FBXO11: variants seen among roughly 807,000 people sequenced by gnomAD.
The protein encoded by FBXO11 is F-box only protein 11.
A neutral mutation model predicts 117.0 loss-of-function variants in FBXO11; 13 were observed. The observed-to-expected ratio is 0.11, with a 90% CI of 0.07 to 0.18. FBXO11 has a LOEUF of 0.18. Among genes scored for constraint, FBXO11 ranks in the 10% least tolerant of loss-of-function variants. The probability of loss-of-function intolerance (pLI) is 1.00; values close to 1 mark genes in which losing one functional copy is unlikely to be tolerated. For missense variants in FBXO11, 767 were observed against 1,164.4 expected (o/e 0.66, Z 4.97); for synonymous variants, 490 against 380.5 (o/e 1.29, Z -3.35).
chr2:47,874,000 G>A (rs183373590), intron 1 of FBXO11, among the ~76,000 whole-genome samples: 2 of 152,190 alleles, frequency 1.3e-5, no homozygotes, highest in East Asian at 1.9e-4. Flanking sequence ...GGATCACGGG[G>A]TCAAGCGTTT....
In FBXO11 at chr2:47,807,613, CAA is replaced by C. The variant is rs910183121; in HGVS notation, c.*503_*504del. ...GTAAGATTTTGCTTGAAATTAAAAA[CAA>C]ACTACATGAGATTAAAGCATTAAAA... On this transcript the variant is annotated 3_prime_UTR_variant, in exon 23 of 23. Coordinates refer to ENST00000403359, the MANE Select transcript of FBXO11 (RefSeq NM_001190274.2). The C allele has an allele frequency of 1.7e-4, 37 of 218,392 alleles. No homozygotes were observed. The highest frequency in any genetic ancestry group is 5.0e-4 in the African/African-American group (22 of 44,310). 13.5% of individuals were successfully genotyped at this position (218,392 alleles called of 1,614,324 possible). A position where few individuals can be genotyped will look rare whatever the true frequency, so the allele number is the denominator to read the frequency against.
intron 13 of FBXO11, among the ~76,000 whole-genome samples, chr2:47,821,048 C>G (rs1356158923): frequency 6.6e-6 from 1 of 152,166 alleles, no homozygotes; most frequent in African/African-American, 2.4e-5. Context: ...ACCACAGAAA[C>G]AATTAACTAT....
At chr2:47,856,618 C>T (rs1351476344) in intron 1 of FBXO11, among the ~76,000 whole-genome samples, 1 of 152,174 alleles carries the variant, frequency 6.6e-6, no homozygotes, top group Non-Finnish European at 1.5e-5. Context: ...GAGTGGCCTA[C>T]GGACAGTTGT....
chr2:47,842,216 A>G (rs1478113153), intron 1 of FBXO11, among the ~76,000 whole-genome samples: 1 of 151,252 alleles, frequency 6.6e-6, no homozygotes, highest in Non-Finnish European at 1.5e-5. Context: ...GGGTTTCACA[A>G]TGTTGGCCAG....
At chr2:47,840,552 G>A (rs1019288150) in intron 1 of FBXO11, among the ~76,000 whole-genome samples, 179 of 149,478 alleles carry the variant, frequency 1.2e-3, no homozygotes, top group African/African-American at 4.3e-3. Flanking sequence ...TTGGCCTCAA[G>A]CAATCCTCCT....
intron 1 of FBXO11, among the ~76,000 whole-genome samples, chr2:47,864,466 A>T (rs908490435): frequency 2.6e-5 from 4 of 152,130 alleles, no homozygotes; most frequent in African/African-American, 9.7e-5. Context: ...GCATGCCTGT[A>T]ATCTCAGCTA....
chr2:47,900,582 A>ACGTATACACGTGTG (rs1558486077), intron 1 of FBXO11, among the ~76,000 whole-genome samples: 1 of 118,014 alleles, frequency 8.5e-6, no homozygotes, highest in Non-Finnish European at 2.0e-5. Flanking sequence ...GTATACACAC[A>ACGTATACACGTGTG]TATATACGTA....
intron 1 of FBXO11, among the ~76,000 whole-genome samples, chr2:47,893,178 A>ATAAATAAC (rs1553359432): frequency 6.6e-6 from 1 of 151,960 alleles, no homozygotes; most frequent in African/African-American, 2.4e-5. Context: ...AAATAAATAA[A>ATAAATAAC]TAAATAAATG....
chr2:47,839,590 T>C, intron 2 of FBXO11, 52 bp downstream of exon 2: 1 of 1,605,366 alleles, frequency 6.2e-7, no homozygotes, highest in Non-Finnish European at 8.5e-7. Context: ...CCTTTTTTGT[T>C]TCTTGAAAAT....
chr2:47,885,699 T>C (rs1192984918), intron 1 of FBXO11, among the ~76,000 whole-genome samples: 4 of 152,222 alleles, frequency 2.6e-5, no homozygotes, highest in Non-Finnish European at 5.9e-5. Flanking sequence ...GAGTAAAGCC[T>C]TGAAGAGAGT....
At chr2:47,847,687 G>C (rs1673524914) in intron 1 of FBXO11, among the ~76,000 whole-genome samples, 1 of 152,176 alleles carries the variant, frequency 6.6e-6, no homozygotes, top group South Asian at 2.1e-4. Context: ...CTGGGTGACA[G>C]AGCGAGACTC....
At chr2:47,864,562 GGAC>G (rs1675052216) in intron 1 of FBXO11, among the ~76,000 whole-genome samples, 1 of 152,130 alleles carries the variant, frequency 6.6e-6, no homozygotes, top group Non-Finnish European at 1.5e-5. Flanking sequence ...ACTCCAGGCT[GGAC>G]GACAAGAGTA....
Position 47,858,981 on chromosome 2 carries a change from G to C in FBXO11, c.233-19212C>G, listed in dbSNP as rs1371394022. 2.7e-5 allele frequency among the ~76,000 whole-genome samples: 4 copies of C among 146,526 alleles called. No individual in the cohort carries two copies. The South Asian group carries it at 8.5e-4, about 31-fold the overall frequency. ...TTGAATCCGGGAGGCGGAGGTCGCA[G>C]TGAGCAGAGATCGCGCCACTCTGCA... On this transcript the variant is annotated intron_variant, in intron 1 of 22. Coordinates refer to ENST00000403359, the MANE Select transcript of FBXO11 (RefSeq NM_001190274.2).
At chr2:47,832,240 C>A (rs1202954085) in intron 11 of FBXO11, 109 bp downstream of exon 11, 2 of 888,392 alleles carry the variant, frequency 2.3e-6, no homozygotes, top group Non-Finnish European at 3.3e-6. Flanking sequence ...GCTTTTAAAC[C>A]TATACTCTTC....
At chr2:47,820,874 T>A (rs1464311688) in intron 13 of FBXO11, among the ~76,000 whole-genome samples, 1 of 152,222 alleles carries the variant, frequency 6.6e-6, no homozygotes, top group Non-Finnish European at 1.5e-5. Context: ...AGTAAAGCTT[T>A]ATGTAAGTAT....
At chr2:47,835,232 C>T (rs78490747) in intron 5 of FBXO11, among the ~76,000 whole-genome samples, 10,915 of 152,184 alleles carry the variant, frequency 0.072, 554 homozygotes, top group Non-Finnish European at 0.11. Context: ...CTCCCGACAT[C>T]GCCAAATGTC....
At chr2:47,813,758 T>C in intron 17 of FBXO11, 33 bp downstream of exon 17, 1 of 1,428,752 alleles carries the variant, frequency 7.0e-7, no homozygotes, top group Non-Finnish European at 9.3e-7. Flanking sequence ...TAAAGTTTAT[T>C]AACACAGAAA....
At chr2:47,854,030 T>A (rs545704912) in intron 1 of FBXO11, among the ~76,000 whole-genome samples, 1 of 152,194 alleles carries the variant, frequency 6.6e-6, no homozygotes, top group Non-Finnish European at 1.5e-5. Flanking sequence ...AAAGTATCAG[T>A]AGTCATTAGG....
chr2:47,813,715 G>A (rs1261679923), intron 17 of FBXO11, 76 bp downstream of exon 17: 6 of 1,255,300 alleles, frequency 4.8e-6, no homozygotes, highest in Non-Finnish European at 3.5e-6. Context: ...TTACAGGCGT[G>A]AGCCACCGTG....
Sources: allele counts gnomAD v4.1 joint callset (sites outside exome capture counted in the v4.1 genomes callset), GRCh38; gene constraint gnomAD v4.1.1; transcripts MANE v1.5; gene names NCBI Gene and HGNC (gene_info 2026-07-23, HGNC 2026-07-21).